MYO18B: variants seen among roughly 807,000 people sequenced by gnomAD.
MYO18B encodes the protein unconventional myosin-XVIIIb.
In MYO18B, 204 loss-of-function variants were observed where a neutral mutation model predicts 273.0. That is an observed-to-expected ratio of 0.75 (90% confidence interval 0.67 to 0.84). The LOEUF (loss-of-function observed/expected upper bound fraction) is 0.84. Among genes scored for constraint, MYO18B ranks in the 40% least tolerant of loss-of-function variants. The pLI is 0.00. For missense variants in MYO18B, 3,212 were observed against 3,287.6 expected (o/e 0.98, Z 0.56); for synonymous variants, 1,330 against 1,305.7 (o/e 1.02, Z -0.40).
intron 7 of MYO18B, among the ~76,000 whole-genome samples, chr22:25,773,613 G>A (rs568653801): frequency 1.4e-4 from 22 of 152,194 alleles, no homozygotes; most frequent in Admixed American, 1.3e-4. Context: ...ACAGGCACCC[G>A]CCACCACGCC....
In MYO18B at chr22:25,777,988, A is replaced by T. The variant is rs565137629; in HGVS notation, c.2068+207A>T. ...TAGAATAAGGTACTCCTTCCTCAAG[A>T]CATTGACGGCCGTTTGCAGAACAAT... On this transcript the variant is annotated intron_variant, in intron 8 of 43. Coordinates refer to ENST00000335473, the MANE Select transcript of MYO18B (RefSeq NM_032608.7). Among the ~76,000 whole-genome samples, 7 of 152,278 alleles carry T rather than the reference A, an allele frequency of 4.6e-5. No individual in the cohort carries two copies. The South Asian group carries it at 1.5e-3, about 32-fold the overall frequency.
chr22:26,006,789 T>G (rs1934458756), intron 42 of MYO18B, among the ~76,000 whole-genome samples: 1 of 152,226 alleles, frequency 6.6e-6, no homozygotes, highest in Non-Finnish European at 1.5e-5. Context: ...CACTCTTTAC[T>G]CAGAGCCTGG....
At position 25,878,168 on chromosome 22, in the gene MYO18B, T is replaced by C. The variant is rs1463464380; in HGVS notation, c.4314+120T>C. On this transcript the variant is annotated intron_variant, in intron 25 of 43. Transcript: ENST00000335473. ...TAATTGCTTTACAAGCACCCCAGAA[T>C]TACCTGTGAGGCACATGCTGTTATT... is the stretch of plus-strand genomic sequence containing the variant. 3.9e-6 allele frequency: 3 copies of C among 762,982 alleles called. No homozygotes were observed. The East Asian group carries it at 9.1e-5, about 23-fold the overall frequency. The allele number at this position is 762,982 out of a possible 1,614,324, so 47.3% of individuals were successfully genotyped here. A position where few individuals can be genotyped will look rare whatever the true frequency, so the allele number is the denominator to read the frequency against.
chr22:26,060,997 GCACACACATA>G, the MYO18B span, among the ~76,000 whole-genome samples: 1 of 97,870 alleles, frequency 1.0e-5, no homozygotes, highest in South Asian at 3.1e-4. Context: ...TACCACATAT[GCACACACATA>G]CACACACACA....
At chr22:25,773,349 T>G (rs1177064649) in intron 7 of MYO18B, among the ~76,000 whole-genome samples, 1 of 151,916 alleles carries the variant, frequency 6.6e-6, no homozygotes, top group Non-Finnish European at 1.5e-5. Context: ...CCCGAGCAGA[T>G]GAGTGGAGGA....
chr22:26,000,676 A>G (rs1014584842), intron 40 of MYO18B, among the ~76,000 whole-genome samples: 2 of 151,970 alleles, frequency 1.3e-5, no homozygotes, highest in African/African-American at 4.8e-5. Context: ...TGTTCGTACA[A>G]TAAACGTGAG....
intron 39 of MYO18B, among the ~76,000 whole-genome samples, chr22:25,971,368 G>A (rs139303803): frequency 1.3e-5 from 2 of 152,326 alleles, no homozygotes; most frequent in East Asian, 3.9e-4. Context: ...TTCATCTGTA[G>A]AATGGGTTAT....
rs374479720 is a variant in MYO18B, at chr22:25,895,247, G to T, written c.4635G>T (p.Ser1545=). 6.2e-7 allele frequency: 1 copy of T among 1,605,652 alleles called. No individual in the cohort carries two copies. The highest frequency in any genetic ancestry group is 8.5e-7 in the Non-Finnish European group (1 of 1,176,132). The change falls in exon 28 of 44, where the codon TCG becomes TCT. Residue 1545 remains serine (S), a synonymous_variant. Coordinates refer to ENST00000335473, the MANE Select transcript of MYO18B (RefSeq NM_032608.7). ...AGCAATGCGAGGAGAGGCTGGACTC[G>T]GAGCTGACAGCCAGGAAAGAGCTGG... is the stretch of plus-strand genomic sequence containing the variant. The part of the protein sequence containing the change: ...RLQQCEERLD[S]ELTARKELEQ...
intron 25 of MYO18B, among the ~76,000 whole-genome samples, chr22:25,878,693 C>A (rs1364792434): frequency 6.6e-6 from 1 of 152,236 alleles, no homozygotes; most frequent in African/African-American, 2.4e-5. Flanking sequence ...GGTACTGTTT[C>A]ACACATCAGA....
At chr22:25,772,285 G>A in intron 6 of MYO18B, 49 bp from the exon 7 acceptor site, 2 of 1,572,528 alleles carry the variant, frequency 1.3e-6, no homozygotes, top group Non-Finnish European at 8.6e-7. Flanking sequence ...GGGGGCAGGG[G>A]GCCAGAAGGC....
chr22:25,841,884 G>A (rs533987035), intron 17 of MYO18B, among the ~76,000 whole-genome samples: 1 of 152,302 alleles, frequency 6.6e-6, no homozygotes, highest in East Asian at 1.9e-4. Flanking sequence ...GGACATTTGC[G>A]CCAAAGCCTG....
chr22:25,905,315 A>G (rs574218108), intron 31 of MYO18B, among the ~76,000 whole-genome samples: 39 of 152,314 alleles, frequency 2.6e-4, no homozygotes, highest in African/African-American at 9.4e-4. Context: ...AGGAGCGATA[A>G]GGAAGACAAG....
At chr22:25,825,208 A>G (rs1398158611) in intron 13 of MYO18B, among the ~76,000 whole-genome samples, 1 of 152,130 alleles carries the variant, frequency 6.6e-6, no homozygotes, top group Non-Finnish European at 1.5e-5. Flanking sequence ...AGGTCTCAAG[A>G]GTAGACATTA....
At position 25,832,933 on chromosome 22, in the gene MYO18B, AGTTT is replaced by A; in HGVS notation, c.2998_3001del (p.Phe1000ThrfsTer39). On this transcript the variant is annotated frameshift_variant, in exon 16 of 44. Coordinates refer to ENST00000335473, the MANE Select transcript of MYO18B (RefSeq NM_032608.7). LOFTEE classifies it high-confidence loss of function. ...ATTTTCCAGGAAGGTGTTCCTGTGC[AGTTT>A]GACCTCCCGGACCCCTCCCCAGGGA... is the stretch of plus-strand genomic sequence containing the variant. 1.2e-6 allele frequency: 2 copies of A among 1,613,878 alleles called. No homozygotes were observed. Among genetic ancestry groups the A allele is most frequent in the Middle Eastern group, 3.3e-4 (2 of 6,062 alleles).
intron 34 of MYO18B, among the ~76,000 whole-genome samples, chr22:25,930,592 C>A (rs1005799920): frequency 6.6e-6 from 1 of 151,366 alleles, no homozygotes; most frequent in African/African-American, 2.4e-5. Context: ...TTTACTACAG[C>A]CTCAACCTCA....
At chr22:25,815,434 G>A (rs2088959891) in intron 12 of MYO18B, among the ~76,000 whole-genome samples, 1 of 152,078 alleles carries the variant, frequency 6.6e-6, no homozygotes, top group African/African-American at 2.4e-5. Context: ...ACCTGCTCTG[G>A]GACACACTCC....
chr22:25,969,979 A>C (rs1020196869), intron 39 of MYO18B, among the ~76,000 whole-genome samples: 1 of 152,084 alleles, frequency 6.6e-6, no homozygotes, highest in Non-Finnish European at 1.5e-5. Context: ...CATCTTCTTC[A>C]TCACCACCAC....
At chr22:25,786,492 C>A (rs1436706219) in intron 11 of MYO18B, among the ~76,000 whole-genome samples, 205 of 142,072 alleles carry the variant, frequency 1.4e-3, no homozygotes, top group Non-Finnish European at 1.6e-3. Context: ...TATCCTGGTG[C>A]AAAAAAAAAA....
At chr22:26,049,436 G>T in the MYO18B span, among the ~76,000 whole-genome samples, 2 of 152,198 alleles carry the variant, frequency 1.3e-5, no homozygotes, top group African/African-American at 2.4e-5. Flanking sequence ...AGAGTCACAG[G>T]TCTTATTTGC....
Sources: allele counts gnomAD v4.1 joint callset (sites outside exome capture counted in the v4.1 genomes callset), GRCh38; gene constraint gnomAD v4.1.1; transcripts MANE v1.5; gene names NCBI Gene and HGNC (gene_info 2026-07-23, HGNC 2026-07-21).